The following EPHA8 variants were observed in gnomAD, a reference collection of about 807,000 sequenced individuals.
EPHA8 encodes EPH receptor A8, also known as ephrin type-A receptor 8.
In EPHA8, 58 loss-of-function variants were observed where a neutral mutation model predicts 103.6. The ratio of observed to expected loss-of-function variants is 0.56; its 90% CI spans 0.45 to 0.70. The LOEUF is 0.70. EPHA8 is among the 30% of genes least tolerant of loss of function. The pLI, the probability that EPHA8 is intolerant of heterozygous loss-of-function variation, is 0.00. For synonymous variants in EPHA8, 559 were observed against 572.5 expected (o/e 0.98, Z 0.34); for missense variants, 1,304 against 1,395.2 (o/e 0.93, Z 1.04).
At chr1:22,599,920 GGGAC>G (rs1641657645) in intron 13 of EPHA8, among the ~76,000 whole-genome samples, 2 of 52,028 alleles carry the variant, frequency 3.8e-5, no homozygotes, top group Admixed American at 1.7e-4. Flanking sequence ...AAGGAGAGAA[GGGAC>G]GAGGGAGGGA....
chr1:22,595,129 G>A (rs551375214), intron 7 of EPHA8, 101 bp from the exon 8 acceptor site: 2 of 952,010 alleles, frequency 2.1e-6, no homozygotes, highest in Non-Finnish European at 3.1e-6. Context: ...CTCCCCACTG[G>A]CCCCAGGGTC....
chr1:22,566,478 G>T (rs1640361713), intron 1 of EPHA8, among the ~76,000 whole-genome samples: 1 of 152,216 alleles, frequency 6.6e-6, no homozygotes, highest in African/African-American at 2.4e-5. Context: ...GCAGGAGAGG[G>T]ACCCGTTTGA....
rs1641429067 is a variant in EPHA8 at position 22,593,431 on chromosome 1, A to T, written c.1421A>T (p.Glu474Val). 1 of 1,609,766 alleles carries T rather than the reference A, an allele frequency of 6.2e-7. No individual in the cohort carries two copies. The highest frequency in any genetic ancestry group is 1.3e-5 in the African/African-American group (1 of 74,890). ...CCGAACGGCATCATCCTGGAGTATG[A>T]GATCAAGTACTACGAGAAGGTACCA... Reference protein sequence around the residue: ...EQPNGIILEYEIKYYEKDKEM... With the variant: ...EQPNGIILEYVIKYYEKDKEM... Residue 474 changes from glutamate to valine, a missense_variant, in exon 6 of 17, where the codon GAG (glutamate) becomes GTG (valine). Coordinates refer to ENST00000166244, the MANE Select transcript of EPHA8 (RefSeq NM_020526.5).
intron 3 of EPHA8, among the ~76,000 whole-genome samples, chr1:22,578,777 G>A (rs948085747): frequency 1.3e-5 from 2 of 151,754 alleles, no homozygotes; most frequent in South Asian, 2.1e-4. Context: ...GTATGTGTAC[G>A]TGTGGGCATA....
At chr1:22,594,763 G>A (rs61767314) in intron 7 of EPHA8, among the ~76,000 whole-genome samples, 4,254 of 152,286 alleles carry the variant, frequency 0.028, 73 homozygotes, top group Middle Eastern at 0.048. Context: ...CCCATGTACT[G>A]TGTGGCCTCA....
intron 4 of EPHA8, among the ~76,000 whole-genome samples, chr1:22,587,980 G>A (rs564136555): frequency 1.2e-4 from 18 of 152,322 alleles, no homozygotes; most frequent in African/African-American, 3.8e-4. Flanking sequence ...GGACACTTGC[G>A]TGAAGCTGGC....
At position 22,598,620 on chromosome 1, in the gene EPHA8, GTCATTGCTGCCCCACGTACCTCGC is replaced by G. The variant is rs1641588469; in HGVS notation, c.2179-217_2179-194del. 1.3e-5 allele frequency among the ~76,000 whole-genome samples: 2 copies of G among 152,202 alleles called. No individual in the cohort carries two copies. The highest frequency in any genetic ancestry group is 4.8e-5 in the African/African-American group (2 of 41,458). On this transcript the variant is annotated intron_variant, in intron 12 of 16. Transcript: ENST00000166244. This position sits in a 1 kb window ranked among gnomAD's most constrained non-coding sequence, Gnocchi z 5.1. Reference sequence around the variant, plus strand: ...TCTCGTTCCACAAAATGGGTAAGCAGTCATTGCTGCCCCACGTACCTCGCAGGGTTGCTGTGAGGGTAAATGAGA... The same window carrying G: ...TCTCGTTCCACAAAATGGGTAAGCAGAGGGTTGCTGTGAGGGTAAATGAGA...
At position 22,598,802 on chromosome 1, in the gene EPHA8, G is replaced by C; in HGVS notation, c.2179-36G>C. On this transcript the variant is annotated intron_variant, in intron 12 of 16. Coordinates refer to ENST00000166244, the MANE Select transcript of EPHA8 (RefSeq NM_020526.5). This position sits in a 1 kb window ranked among gnomAD's most constrained non-coding sequence, Gnocchi z 5.1. ...CTGTTCACGGACCAGGCGCCTCGCCGGGCTTTCCTGAAGTCCAAGCCATGT... is the reference window on the plus strand; with the variant it reads ...CTGTTCACGGACCAGGCGCCTCGCCCGGCTTTCCTGAAGTCCAAGCCATGT... 1.3e-6 allele frequency: 2 copies of C among 1,597,938 alleles called. No individual in the cohort carries two copies. The highest frequency in any genetic ancestry group is 1.7e-6 in the Non-Finnish European group (2 of 1,169,430).
At position 22,593,445 on chromosome 1, in the gene EPHA8, G is replaced by T; in HGVS notation, c.1435G>T (p.Glu479Ter). Reference sequence around the variant, plus strand: ...CCTGGAGTATGAGATCAAGTACTACGAGAAGGTACCACGGGCAGGACGGAG... The same window carrying T: ...CCTGGAGTATGAGATCAAGTACTACTAGAAGGTACCACGGGCAGGACGGAG... ...IILEYEIKYY[E>*]KDKEMQSYST... Residue 479 changes from glutamate to a stop codon, truncating the protein, a stop_gained, in exon 6 of 17, where the codon GAG becomes TAG. Coordinates refer to ENST00000166244, the MANE Select transcript of EPHA8 (RefSeq NM_020526.5). LOFTEE classifies it high-confidence loss of function. 6.2e-7 allele frequency: 1 copy of T among 1,611,016 alleles called. No homozygotes were observed. Among genetic ancestry groups the T allele is most frequent in the Non-Finnish European group, 8.5e-7 (1 of 1,178,878 alleles).
At chr1:22,579,111 ATGTGTACGTGTATGTGTGCATG>A (rs1557562463) in intron 3 of EPHA8, among the ~76,000 whole-genome samples, 2 of 130,670 alleles carry the variant, frequency 1.5e-5, no homozygotes, top group African/African-American at 6.3e-5. Context: ...GTATGTGTGC[ATGTGTACGTGTATGTGTGCATG>A]TGTGTGTGCA....
chr1:22,593,712 G>A (rs374111306), intron 7 of EPHA8, 26 bp downstream of exon 7: 948 of 1,547,478 alleles, frequency 6.1e-4, no homozygotes, highest in Admixed American at 1.0e-3. Context: ...GGGCGTGGGC[G>A]CGGAGCAGCC....
intron 5 of EPHA8, among the ~76,000 whole-genome samples, chr1:22,592,317 G>A (rs557215968): frequency 1.1e-4 from 16 of 152,110 alleles, no homozygotes; most frequent in African/African-American, 2.7e-4. Flanking sequence ...TGGCCTCATC[G>A]AATCCTCCCC....
rs114346195 is a variant in EPHA8 at position 22,574,929 on chromosome 1, T to C, written c.160-1288T>C. On this transcript the variant is annotated intron_variant, in intron 2 of 16. Coordinates refer to ENST00000166244, the MANE Select transcript of EPHA8 (RefSeq NM_020526.5). The stretch of plus-strand genomic sequence containing the variant: ...CCGTAATGCACAGGGTTCTAATTTC[T>C]CCACATCCTTGCCAACACTTATTAT... 5.8e-3 allele frequency among the ~76,000 whole-genome samples: 882 copies of C among 152,314 alleles called. 11 individuals carry two copies. The highest frequency in any genetic ancestry group is 0.02 in the African/African-American group (848 of 41,580).
intron 3 of EPHA8, among the ~76,000 whole-genome samples, chr1:22,578,838 TATGCATGTGTGC>T (rs1192125413): frequency 1.3e-5 from 2 of 149,366 alleles, no homozygotes; most frequent in African/African-American, 5.1e-5. Context: ...CCTGTGTGTA[TATGCATGTGTGC>T]ATGCATGTGT....
At chr1:22,578,799 G>A (rs550052265) in intron 3 of EPHA8, among the ~76,000 whole-genome samples, 4 of 150,476 alleles carry the variant, frequency 2.7e-5, no homozygotes, top group Middle Eastern at 3.4e-3. Flanking sequence ...GTATGTGTGC[G>A]TGTGTGCATG....
At chr1:22,599,198 C>G (rs1307579052) in intron 13 of EPHA8, 151 bp downstream of exon 13, 1 of 801,432 alleles carries the variant, frequency 1.2e-6, no homozygotes, top group African/African-American at 1.7e-5. Flanking sequence ...CTCCTCTTCA[C>G]GCCAGTGCCT....
intron 5 of EPHA8, among the ~76,000 whole-genome samples, chr1:22,591,034 G>A (rs1011652536): frequency 1.3e-5 from 2 of 151,368 alleles, no homozygotes; most frequent in Non-Finnish European, 2.9e-5. Flanking sequence ...ACCACCACAG[G>A]AGACCCCTCT....
intron 2 of EPHA8, among the ~76,000 whole-genome samples, chr1:22,575,789 T>C (rs1442062325): frequency 6.6e-6 from 1 of 152,136 alleles, no homozygotes; most frequent in Non-Finnish European, 1.5e-5. Context: ...AGGCATAGTC[T>C]GGTTCATATA....
chr1:22,577,983 ATGTG>A, intron 3 of EPHA8, among the ~76,000 whole-genome samples: 1 of 728 alleles, frequency 1.4e-3, no homozygotes, highest in Admixed American at 0.016. Flanking sequence ...GTATGTGTGC[ATGTG>A]TGCATGTACA....
Sources: allele counts gnomAD v4.1 joint callset (sites outside exome capture counted in the v4.1 genomes callset), GRCh38; gene constraint gnomAD v4.1.1; non-coding constraint Gnocchi (gnomAD v3.1); transcripts MANE v1.5; gene names NCBI Gene and HGNC (gene_info 2026-07-23, HGNC 2026-07-21).